The following DISC1 variants were observed in gnomAD, a reference collection of about 807,000 sequenced individuals.
The protein encoded by DISC1 is disrupted in schizophrenia 1 protein.
Under a neutral mutation model 84.5 loss-of-function variants are expected in DISC1, and 57 were observed. That is an observed-to-expected ratio of 0.67 (90% CI 0.55 to 0.84). The LOEUF is 0.84. DISC1 is among the 40% of genes least tolerant of loss of function. The pLI, the probability that DISC1 is intolerant of heterozygous loss-of-function variation, is 0.00. For missense variants in DISC1, 1,000 were observed against 1,057.8 expected (o/e 0.95, Z 0.76); for synonymous variants, 411 against 415.2 (o/e 0.99, Z 0.12).
chr1:231,807,360 C>T (rs535329270), intron 8 of DISC1, among the ~76,000 whole-genome samples: 1 of 152,368 alleles, frequency 6.6e-6, no homozygotes, highest in East Asian at 1.9e-4. Flanking sequence ...CCTGCATGCA[C>T]TTCCAGCTCC....
chr1:231,750,136 A>T lies in DISC1; in HGVS notation c.1268+60A>T, dbSNP rs2074452993. 3 of 1,577,840 alleles carry T rather than the reference A, an allele frequency of 1.9e-6. No individual in the cohort carries two copies. In the African/African-American group the frequency reaches 4.1e-5, roughly 21 times the overall value. On this transcript the variant is annotated intron_variant, in intron 4 of 12. Coordinates refer to ENST00000439617, the MANE Select transcript of DISC1 (RefSeq NM_018662.3). ...TGTTTCTTCCTACCTCTCAGCTCCC[A>T]CATAGTGAAGAGCTGGGAGGAGCTT... is the stretch of plus-strand genomic sequence containing the variant.
chr1:231,640,737 T>C (rs1329966708), intron 1 of DISC1, among the ~76,000 whole-genome samples: 1 of 152,054 alleles, frequency 6.6e-6, no homozygotes, highest in African/African-American at 2.4e-5. Flanking sequence ...GATCTCCCTA[T>C]GTTACCCGGG....
intron 10 of DISC1, among the ~76,000 whole-genome samples, chr1:232,007,034 G>A (rs1285162687): frequency 2.6e-5 from 4 of 152,202 alleles, no homozygotes; most frequent in Non-Finnish European, 4.4e-5. Context: ...GGACCTGTGA[G>A]TGCACAGAAG....
chr1:231,930,589 A>G (rs2090599175), intron 9 of DISC1, among the ~76,000 whole-genome samples: 1 of 152,134 alleles, frequency 6.6e-6, no homozygotes, highest in Admixed American at 6.5e-5. Flanking sequence ...CAGCCCTCCA[A>G]ACCTCTACCC....
chr1:232,022,412 A>G (rs1669043973), intron 11 of DISC1, among the ~76,000 whole-genome samples: 3 of 151,854 alleles, frequency 2.0e-5, no homozygotes, highest in South Asian at 2.1e-4. Flanking sequence ...GGGTCAAGCA[A>G]TTCTCCTGCC....
At chr1:231,866,227 A>G (rs549451723) in intron 9 of DISC1, among the ~76,000 whole-genome samples, 1 of 152,220 alleles carries the variant, frequency 6.6e-6, no homozygotes, top group East Asian at 1.9e-4. Flanking sequence ...TCTCCAGAAA[A>G]GACAGAAACC....
At chr1:231,852,710 G>C (rs1428346389) in intron 9 of DISC1, among the ~76,000 whole-genome samples, 1 of 152,162 alleles carries the variant, frequency 6.6e-6, no homozygotes, top group Non-Finnish European at 1.5e-5. Context: ...GTTATCAAGG[G>C]CTAAATGCAT....
At chr1:232,000,273 G>A (rs1666510422) in intron 10 of DISC1, among the ~76,000 whole-genome samples, 3 of 152,112 alleles carry the variant, frequency 2.0e-5, no homozygotes, top group Admixed American at 6.5e-5. Context: ...AAAACCAAAT[G>A]TAAATTATAG....
chr1:231,772,452 C>T (rs745623130), intron 6 of DISC1, among the ~76,000 whole-genome samples: 1 of 152,186 alleles, frequency 6.6e-6, no homozygotes, highest in African/African-American at 2.4e-5. Context: ...TCCTACAACT[C>T]ACCACCTGTA....
intron 9 of DISC1, among the ~76,000 whole-genome samples, chr1:231,852,058 A>G (rs1020761385): frequency 3.3e-5 from 5 of 151,960 alleles, no homozygotes; most frequent in African/African-American, 9.7e-5. Flanking sequence ...TGAGGGAGGG[A>G]TGTTGCTCTT....
At chr1:231,708,569 T>TTG (rs1276685588) in intron 3 of DISC1, among the ~76,000 whole-genome samples, 2 of 152,230 alleles carry the variant, frequency 1.3e-5, no homozygotes, top group Non-Finnish European at 2.9e-5. Context: ...TTCTCATTCG[T>TTG]TGCCTGATTA....
chr1:231,891,020 AG>A (rs1283757279), intron 9 of DISC1, among the ~76,000 whole-genome samples: 2 of 152,108 alleles, frequency 1.3e-5, no homozygotes, highest in Non-Finnish European at 2.9e-5. Context: ...TAGGAAACTG[AG>A]GGATAGACAC....
intron 9 of DISC1, among the ~76,000 whole-genome samples, chr1:231,868,830 T>C (rs1558670439): frequency 1.3e-5 from 2 of 149,614 alleles, no homozygotes; most frequent in African/African-American, 4.9e-5. Flanking sequence ...GGCTTCAGTG[T>C]GCTGTCATTG....
At chr1:232,033,805 G>A (rs1670272249) in intron 12 of DISC1, among the ~76,000 whole-genome samples, 2 of 152,176 alleles carry the variant, frequency 1.3e-5, no homozygotes, top group African/African-American at 4.8e-5. Context: ...AAATATGAAA[G>A]CAATGCATTT....
At chr1:231,720,691 T>A (rs2069546996) in intron 3 of DISC1, among the ~76,000 whole-genome samples, 1 of 152,176 alleles carries the variant, frequency 6.6e-6, no homozygotes, top group African/African-American at 2.4e-5. Context: ...ACTTGACTAC[T>A]TTTAGTTTTC....
chr1:232,036,692 A>C lies in DISC1; in HGVS notation c.2426A>C (p.Gln809Pro). ...ATGTGCTCCTTAACAATGTGCCCAC[A>C]GTCTCTCAGGAGGGAGCTCCAGATG... is the stretch of plus-strand genomic sequence containing the variant. ...AIHSHDEDLI[Q>P]SLRRELQMVK... The change falls in exon 13 of 13, where the codon CAG becomes CCG. Residue 809 changes from glutamine to proline, a missense_variant and splice_region_variant. By Grantham distance (76) the Gln-to-Pro change is moderately conservative. This residue lies in a region of DISC1 where 397 missense variants were observed against 377.5 expected (regional missense o/e 1.05). Coordinates refer to ENST00000439617, the MANE Select transcript of DISC1 (RefSeq NM_018662.3). 1.3e-6 allele frequency: 2 copies of C among 1,590,102 alleles called. No homozygotes were observed. The highest frequency in any genetic ancestry group is 1.7e-6 in the Non-Finnish European group (2 of 1,161,460).
chr1:231,692,464 AC>A (rs1446979676), intron 1 of DISC1, among the ~76,000 whole-genome samples: 1 of 152,092 alleles, frequency 6.6e-6, no homozygotes, highest in Non-Finnish European at 1.5e-5. Flanking sequence ...TATCAATGCC[AC>A]CCCCACCCCT....
intron 3 of DISC1, among the ~76,000 whole-genome samples, chr1:231,713,873 C>A (rs1055051883): frequency 2.2e-5 from 3 of 136,720 alleles, no homozygotes; most frequent in South Asian, 2.3e-4. Flanking sequence ...ATATATATAT[C>A]TGCTTTCACT....
intron 6 of DISC1, among the ~76,000 whole-genome samples, chr1:231,794,223 T>A (rs2078575397): frequency 6.7e-6 from 1 of 150,182 alleles, no homozygotes; most frequent in African/African-American, 2.5e-5. Context: ...CCAGTTAGAT[T>A]TATCTTCTTG....
Sources: allele counts gnomAD v4.1 joint callset (sites outside exome capture counted in the v4.1 genomes callset), GRCh38; gene constraint gnomAD v4.1.1; regional missense constraint gnomAD v4.1.1; transcripts MANE v1.5; gene names NCBI Gene and HGNC (gene_info 2026-07-23, HGNC 2026-07-21).